Variants in ANGPT4 observed in about 807,000 individuals in gnomAD.
ANGPT4 encodes angiopoietin-4.
A neutral mutation model predicts 53.0 loss-of-function variants in ANGPT4; 50 were observed. The observed-to-expected ratio is 0.94, with a 90% CI of 0.75 to 1.20. The LOEUF is 1.20. ANGPT4 is among the 50% of genes most tolerant of loss of function. ANGPT4 has a pLI of 0.00. For synonymous variants in ANGPT4, 251 were observed against 259.7 expected, an observed-to-expected ratio of 0.97 and a Z score of 0.32; for missense variants, 648 against 637.1, an observed-to-expected ratio of 1.02 and a Z score of -0.18.
At chr20:874,245 C>G (rs1981067005) in intron 8 of ANGPT4, 39 bp downstream of exon 8, 1 of 1,610,882 alleles carries the variant, frequency 6.2e-7, no homozygotes, top group Non-Finnish European at 8.5e-7. Context: ...TCTGGGTGAG[C>G]CTGTGGGTGG....
chr20:902,486 C>A (rs548428201), intron 1 of ANGPT4, among the ~76,000 whole-genome samples: 1 of 152,286 alleles, frequency 6.6e-6, no homozygotes, highest in East Asian at 1.9e-4. Flanking sequence ...ACTCTAATAT[C>A]TCATTGCAGT....
chr20:913,008 G>C (rs930823362), intron 1 of ANGPT4, among the ~76,000 whole-genome samples: 1 of 152,076 alleles, frequency 6.6e-6, no homozygotes, highest in Non-Finnish European at 1.5e-5. Context: ...AACAGGAGGG[G>C]AGTTGGGGGC....
intron 7 of ANGPT4, 40 bp downstream of exon 7, chr20:878,121 A>G: frequency 1.9e-6 from 3 of 1,556,272 alleles, no homozygotes; most frequent in East Asian, 4.6e-5. Context: ...CCACTAGCTG[A>G]AGACCCCAGC....
At position 914,386 on chromosome 20, in the gene ANGPT4, A is replaced by T. The variant is rs1195643540; in HGVS notation, c.309+1520T>A. Among the ~76,000 whole-genome samples the T allele has an allele frequency of 6.6e-6, 1 of 152,054 alleles. No homozygotes were observed. The highest frequency in any genetic ancestry group is 6.5e-5 in the Admixed American group (1 of 15,268). On this transcript the variant is annotated intron_variant, in intron 1 of 8. Transcript: ENST00000381922. This position sits in a 1 kb window ranked among gnomAD's most constrained non-coding sequence, Gnocchi z 5.0. Reference sequence around the variant, plus strand: ...GCTGGAGAGGATAGGAGGCTGGGGTAAGCAAAGTGGGAGTCTGGGAGAGGG... The same window carrying T: ...GCTGGAGAGGATAGGAGGCTGGGGTTAGCAAAGTGGGAGTCTGGGAGAGGG...
intron 8 of ANGPT4, among the ~76,000 whole-genome samples, chr20:873,723 A>T (rs1981044261): frequency 6.6e-6 from 1 of 151,780 alleles, no homozygotes. Context: ...TCTCTGCCCC[A>T]GTATAGCTCT....
intron 1 of ANGPT4, among the ~76,000 whole-genome samples, chr20:906,480 G>A (rs773411361): frequency 3.9e-5 from 6 of 152,250 alleles, no homozygotes; most frequent in Non-Finnish European, 7.3e-5. Context: ...GATAAGAAAT[G>A]TTTGTTGTTA....
rs1389728878 is a variant in ANGPT4, at chr20:876,150, A to C, written c.1221-1736T>G. ...AACAGAGTAAGCCCTGTCTCAAAAA[A>C]AAAAAAAAAAAAAAAGAAGGTCTTG... On this transcript the variant is annotated intron_variant, in intron 7 of 8. Transcript: ENST00000381922. Among the ~76,000 whole-genome samples, 35 of 150,776 alleles carry C rather than the reference A, an allele frequency of 2.3e-4. 2 individuals carry two copies. Among genetic ancestry groups the C allele is most frequent in the African/African-American group, 7.0e-4 (29 of 41,184 alleles).
At position 878,430 on chromosome 20, in the gene ANGPT4, C is replaced by T. The variant is rs1321780767; in HGVS notation, c.1054-103G>A. 4 of 1,178,386 alleles carry T rather than the reference C, an allele frequency of 3.4e-6. No homozygotes were observed. The Admixed American group carries it at 7.6e-5, about 22-fold the overall frequency. The allele number at this position is 1,178,386 out of a possible 1,614,324, so 73.0% of individuals were successfully genotyped here. On this transcript the variant is annotated intron_variant, in intron 6 of 8. Coordinates refer to ENST00000381922, the MANE Select transcript of ANGPT4 (RefSeq NM_015985.4). ...AGGCTCCAGGGCTACTTATACAAAA[C>T]CACTGTGCTTAATGATCGAGTTCAT...
At chr20:891,100 G>T (rs1981828573) in intron 1 of ANGPT4, among the ~76,000 whole-genome samples, 2 of 152,336 alleles carry the variant, frequency 1.3e-5, no homozygotes, top group African/African-American at 4.8e-5. Flanking sequence ...GGTGCACAGT[G>T]AGTGCTCATA....
chr20:912,542 G>A (rs140925378), intron 1 of ANGPT4, among the ~76,000 whole-genome samples: 2,171 of 152,274 alleles, frequency 0.014, 31 homozygotes, highest in Admixed American at 0.022. Context: ...CAGAGCTGAC[G>A]TGCAGCCCCA....
At chr20:880,593 A>T (rs530605428) in intron 5 of ANGPT4, among the ~76,000 whole-genome samples, 2 of 152,158 alleles carry the variant, frequency 1.3e-5, no homozygotes, top group South Asian at 4.2e-4. Context: ...GTCTCAAAAA[A>T]AAAAAGGGAA....
chr20:913,367 T>C (rs1054485040), intron 1 of ANGPT4, among the ~76,000 whole-genome samples: 1 of 152,060 alleles, frequency 6.6e-6, no homozygotes, highest in Non-Finnish European at 1.5e-5. Flanking sequence ...AAATTATTGT[T>C]TACATGAACC....
At chr20:875,987 G>A (rs1173334392) in intron 7 of ANGPT4, among the ~76,000 whole-genome samples, 2 of 151,896 alleles carry the variant, frequency 1.3e-5, no homozygotes, top group Middle Eastern at 3.2e-3. Flanking sequence ...AAAATTAGCT[G>A]GGCATGGTGG....
chr20:900,489 A>C (rs1363715141), intron 1 of ANGPT4, among the ~76,000 whole-genome samples: 5 of 152,078 alleles, frequency 3.3e-5, no homozygotes, highest in Admixed American at 3.3e-4. Flanking sequence ...CTCTACCTAC[A>C]TGTGTCTACC....
intron 1 of ANGPT4, among the ~76,000 whole-genome samples, chr20:900,212 G>A (rs1188388738): frequency 1.3e-5 from 2 of 152,012 alleles, no homozygotes; most frequent in Non-Finnish European, 1.5e-5. Context: ...CTCCTCCCAG[G>A]CCCTCTTCTT....
At chr20:909,195 G>A (rs1242793397) in intron 1 of ANGPT4, among the ~76,000 whole-genome samples, 2 of 152,162 alleles carry the variant, frequency 1.3e-5, no homozygotes, top group African/African-American at 4.8e-5. Context: ...CGAGGTTTAT[G>A]AGTCAATGTT....
At chr20:874,540 C>G in intron 7 of ANGPT4, 126 bp from the exon 8 acceptor site, 1 of 1,320,926 alleles carries the variant, frequency 7.6e-7, no homozygotes. Context: ...CTTGGAGGGA[C>G]AGCCCCAGCC....
At chr20:880,913 C>A (rs565153556) in intron 5 of ANGPT4, among the ~76,000 whole-genome samples, 2 of 152,316 alleles carry the variant, frequency 1.3e-5, no homozygotes, top group Admixed American at 1.3e-4. Context: ...TCATCTTAAC[C>A]AACACTGAAC....
At chr20:879,900 C>A in intron 5 of ANGPT4, 52 bp from the exon 6 acceptor site, 1 of 1,459,008 alleles carries the variant, frequency 6.9e-7, no homozygotes, top group Non-Finnish European at 9.5e-7. Flanking sequence ...TAGCCAGAGG[C>A]CAGGCCTGTG....
Sources: allele counts gnomAD v4.1 joint callset (sites outside exome capture counted in the v4.1 genomes callset), GRCh38; gene constraint gnomAD v4.1.1; non-coding constraint Gnocchi (gnomAD v3.1); transcripts MANE v1.5; gene names NCBI Gene and HGNC (gene_info 2026-07-23, HGNC 2026-07-21).